CLCN2: variants seen among roughly 807,000 people sequenced by gnomAD.
CLCN2 encodes chloride voltage-gated channel 2, also known as chloride channel protein 2.
A neutral mutation model predicts 108.3 loss-of-function variants in CLCN2; 72 were observed. The ratio of observed to expected loss-of-function variants is 0.66; its 90% CI spans 0.55 to 0.81. The LOEUF (loss-of-function observed/expected upper bound fraction) is 0.81, where lower values mean the gene tolerates loss of function less well. CLCN2 is among the 30% of genes least tolerant of loss of function. CLCN2 has a pLI of 0.00. For missense variants in CLCN2, 1,048 were observed against 1,205.2 expected (o/e 0.87, Z 1.93); for synonymous variants, 471 against 467.1 (o/e 1.01, Z -0.11).
rs917382961 is a variant in CLCN2 at position 184,346,326 on chromosome 3, C to A, written c.*280G>T. On this transcript the variant is annotated 3_prime_UTR_variant, in exon 24 of 24. Coordinates refer to ENST00000265593, the MANE Select transcript of CLCN2 (RefSeq NM_004366.6). The surrounding 1 kb of genome is among the most constrained non-coding windows in gnomAD (Gnocchi z 6.0). ...AGTTATAAACCCATCTTAGTTCCAC[C>A]CCTTTCCCCTCAAAGGGGGAGCAGG... 1.9e-6 allele frequency: 1 copy of A among 533,278 alleles called. No individual in the cohort carries two copies. The highest frequency in any genetic ancestry group is 1.9e-5 in the African/African-American group (1 of 52,632). The allele number at this position is 533,278 out of a possible 1,614,324, so 33.0% of individuals were successfully genotyped here. A position where few individuals can be genotyped will look rare whatever the true frequency, so the allele number is the denominator to read the frequency against.
chr3:184,355,351 C>T lies in CLCN2; in HGVS notation c.1326+23G>A, dbSNP rs1728466414. 3 of 1,613,346 alleles carry T rather than the reference C, an allele frequency of 1.9e-6. No individual in the cohort carries two copies. The highest frequency in any genetic ancestry group is 1.1e-5 in the South Asian group (1 of 91,042). On this transcript the variant is annotated intron_variant, in intron 12 of 23. Coordinates refer to ENST00000265593, the MANE Select transcript of CLCN2 (RefSeq NM_004366.6). This position sits in a 1 kb window ranked among gnomAD's most constrained non-coding sequence, Gnocchi z 6.3. ...GAAGGGCAAGCTATGTAAAGGTTAG[C>T]AGTGTACACGTGAGGAGCCCACCTT... is the stretch of plus-strand genomic sequence containing the variant.
intron 1 of CLCN2, among the ~76,000 whole-genome samples, chr3:184,359,864 AGAGTC>A (rs1711749358): frequency 6.6e-6 from 1 of 151,764 alleles, no homozygotes; most frequent in Non-Finnish European, 1.5e-5. Context: ...ATGGGACGGG[AGAGTC>A]GCCTGAACCA....
Position 184,357,163 on chromosome 3 carries a change from AGCCC to A in CLCN2, c.983+15_983+18del, listed in dbSNP as rs1185108694. The A allele has an allele frequency of 6.2e-7, 1 of 1,610,272 alleles. No individual in the cohort carries two copies. Among genetic ancestry groups the A allele is most frequent in the Admixed American group, 1.7e-5 (1 of 59,902 alleles). On this transcript the variant is annotated intron_variant, in intron 9 of 23. Transcript: ENST00000265593. ...AACCCCCCTCCTCTCTGATACCCCCAGCCCCCTCAGCTCCTCACCCAATGACAGC... is the reference window on the plus strand; with the variant it reads ...AACCCCCCTCCTCTCTGATACCCCCACCTCAGCTCCTCACCCAATGACAGC...
rs1471495520 is a variant in CLCN2 at position 184,356,603 on chromosome 3, C to T, written c.1085+390G>A. The T allele has an allele frequency of 4.3e-5, 9 of 208,840 alleles. No individual in the cohort carries two copies. The East Asian group carries it at 1.1e-3, about 25-fold the overall frequency. 12.9% of individuals were successfully genotyped at this position (208,840 alleles called of 1,614,324 possible). Reference sequence around the variant, plus strand: ...GCGGTGAGCCGAGATCGCACCATTGCACTCCAGCCTGGACAACAAGAGTGA... The same window carrying T: ...GCGGTGAGCCGAGATCGCACCATTGTACTCCAGCCTGGACAACAAGAGTGA... On this transcript the variant is annotated intron_variant, in intron 10 of 23. Coordinates refer to ENST00000265593, the MANE Select transcript of CLCN2 (RefSeq NM_004366.6).
At chr3:184,356,696 G>A (rs982943786) in intron 10 of CLCN2, 2 of 428,754 alleles carry the variant, frequency 4.7e-6, no homozygotes, top group Non-Finnish European at 8.6e-6. Context: ...GGGGGAACCT[G>A]AGGCTCAAAC....
At position 184,346,949 on chromosome 3, in the gene CLCN2, C is replaced by A; in HGVS notation, c.2488G>T (p.Val830Phe). The part of the protein sequence containing the change: ...VTSIGRLIGI[V>F]TLKELRKAIE... Reference sequence around the variant, plus strand: ...CATCACCTCACCTCCTTTAGAGTAACGATTCCAATGAGTCTGCCAATACTG... The same window carrying A: ...CATCACCTCACCTCCTTTAGAGTAAAGATTCCAATGAGTCTGCCAATACTG... The change falls in exon 23 of 24, where the codon GTT becomes TTT. Residue 830 changes from valine to phenylalanine, a missense_variant. Transcript: ENST00000265593. The surrounding 1 kb of genome is among the most constrained non-coding windows in gnomAD (Gnocchi z 6.0). The A allele has an allele frequency of 6.2e-7, 1 of 1,614,056 alleles. No homozygotes were observed. Among genetic ancestry groups the A allele is most frequent in the Non-Finnish European group, 8.5e-7 (1 of 1,179,908 alleles).
Position 184,354,961 on chromosome 3 carries a change from C to G in CLCN2, c.1339G>C (p.Ala447Pro). 6.2e-7 allele frequency: 1 copy of G among 1,613,978 alleles called. No homozygotes were observed. The highest frequency in any genetic ancestry group is 2.2e-5 in the East Asian group (1 of 44,878). ...GGAACTGGGATGGTGGTGGCCAGTGCAGACATCCAGAACTGCAGGCAGGGG... is the reference window on the plus strand; with the variant it reads ...GGAACTGGGATGGTGGTGGCCAGTGGAGACATCCAGAACTGCAGGCAGGGG... ...IFILMKFWMS[A>P]LATTIPVPCG... The change falls in exon 13 of 24, where the codon GCA (alanine) becomes CCA (proline). Residue 447 changes from alanine to proline, a missense_variant. Transcript: ENST00000265593.
Position 184,350,656 on chromosome 3 carries a change from C to G in CLCN2, c.2415+1357G>C, listed in dbSNP as rs570258764. Among the ~76,000 whole-genome samples, 8 of 152,178 alleles carry G rather than the reference C, an allele frequency of 5.3e-5. No individual in the cohort carries two copies. In the South Asian group the frequency reaches 1.5e-3, roughly 28 times the overall value. ...TTCACCATGTTGGCCAGGCTGGTCTCGAACTGCTGACCTCAAGTGATCCAC... is the reference window on the plus strand; with the variant it reads ...TTCACCATGTTGGCCAGGCTGGTCTGGAACTGCTGACCTCAAGTGATCCAC... On this transcript the variant is annotated intron_variant, in intron 22 of 23. Coordinates refer to ENST00000265593, the MANE Select transcript of CLCN2 (RefSeq NM_004366.6).
chr3:184,358,458 G>A (rs762866833), intron 3 of CLCN2, 148 bp from the exon 4 acceptor site: 241 of 1,233,008 alleles, frequency 2.0e-4, no homozygotes, highest in Non-Finnish European at 2.5e-4. Context: ...GGTATTCACT[G>A]GGACAAAGCG....
rs149460784 is a variant in CLCN2 at position 184,346,751 on chromosome 3, C to G, written c.2552G>C (p.Arg851Pro). 1.2e-6 allele frequency: 2 copies of G among 1,613,998 alleles called. No homozygotes were observed. The highest frequency in any genetic ancestry group is 1.7e-6 in the Non-Finnish European group (2 of 1,180,024). Reference sequence around the variant, plus strand: ...GTCTCGGAAGCTGGCGAGGGGCGGCCGGACTTTCACACCCTGTGCTGTGAC... The same window carrying G: ...GTCTCGGAAGCTGGCGAGGGGCGGCGGGACTTTCACACCCTGTGCTGTGAC... ...GSVTAQGVKV[R>P]PPLASFRDSA... The change falls in exon 24 of 24, where the codon CGG (arginine) becomes CCG (proline). Residue 851 changes from arginine (R) to proline (P), a missense_variant. Physicochemically the swap from Arg to Pro is moderately radical, Grantham distance 103. Coordinates refer to ENST00000265593, the MANE Select transcript of CLCN2 (RefSeq NM_004366.6). This position sits in a 1 kb window ranked among gnomAD's most constrained non-coding sequence, Gnocchi z 6.0.
In CLCN2 at chr3:184,354,147, T is replaced by G. The variant is rs1310169872; in HGVS notation, c.1675A>C (p.Ile559Leu). 1 of 1,612,722 alleles carries G rather than the reference T, an allele frequency of 6.2e-7. No individual in the cohort carries two copies. The highest frequency in any genetic ancestry group is 1.1e-5 in the South Asian group (1 of 91,000). ...TCAGGCAGGTAGGGCAGTTTCTTGA[T>G]TCGGATGATGCTGTCATAGAGGGAG... is the stretch of plus-strand genomic sequence containing the variant. ...QPSLYDSIIR[I>L]KKLPYLPELG... Residue 559 changes from isoleucine (I) to leucine (L), a missense_variant, in exon 15 of 24, where the codon ATC becomes CTC. Transcript: ENST00000265593.
In CLCN2 at chr3:184,354,999, C is replaced by T. The variant is rs202059491; in HGVS notation, c.1327-26G>A. ...CTGCAGGCAGGGGGTGGTTCAAAGGCGAAGAGGCTCCACCTGGCCCCAGGC... is the reference window on the plus strand; with the variant it reads ...CTGCAGGCAGGGGGTGGTTCAAAGGTGAAGAGGCTCCACCTGGCCCCAGGC... On this transcript the variant is annotated intron_variant, in intron 12 of 23. Coordinates refer to ENST00000265593, the MANE Select transcript of CLCN2 (RefSeq NM_004366.6). The T allele has an allele frequency of 4.7e-3, 7,578 of 1,609,676 alleles. 32 individuals carry two copies. The highest frequency in any genetic ancestry group is 5.3e-3 in the Non-Finnish European group (6,182 of 1,176,362).
At chr3:184,357,546 C>T in intron 7 of CLCN2, 59 bp from the exon 8 acceptor site, 2 of 1,614,006 alleles carry the variant, frequency 1.2e-6, no homozygotes, top group Non-Finnish European at 1.7e-6. Flanking sequence ...GCCTCAGACC[C>T]AGATAAGAGG....
At chr3:184,354,499 G>A in intron 14 of CLCN2, 49 bp downstream of exon 14, 1 of 1,498,152 alleles carries the variant, frequency 6.7e-7, no homozygotes, top group Non-Finnish European at 9.3e-7. Flanking sequence ...CTGTGGCTGG[G>A]GCGTGGGTGG....
intron 22 of CLCN2, among the ~76,000 whole-genome samples, chr3:184,351,225 C>G (rs943189086): frequency 6.6e-6 from 1 of 152,154 alleles, no homozygotes; most frequent in Non-Finnish European, 1.5e-5. Context: ...ATCCCCTCCC[C>G]CAAACCCCCC....
Position 184,355,250 on chromosome 3 carries a change from C to CG in CLCN2, c.1326+123dup. 9.0e-7 allele frequency: 1 copy of CG among 1,105,222 alleles called. No homozygotes were observed. The highest frequency in any genetic ancestry group is 1.4e-6 in the Non-Finnish European group (1 of 725,064). 68.5% of individuals were successfully genotyped at this position (1,105,222 alleles called of 1,614,324 possible). A position where few individuals can be genotyped will look rare whatever the true frequency, so the allele number is the denominator to read the frequency against. On this transcript the variant is annotated intron_variant, in intron 12 of 23. Coordinates refer to ENST00000265593, the MANE Select transcript of CLCN2 (RefSeq NM_004366.6). The surrounding 1 kb of genome is among the most constrained non-coding windows in gnomAD (Gnocchi z 6.3). ...TGTTTCGACTCCCCCATCTTTCAAA[C>CG]GGGGGTGATAATAGTGCCTTTCCCA...
chr3:184,350,543 C>G (rs1019998719), intron 22 of CLCN2, among the ~76,000 whole-genome samples: 1 of 152,176 alleles, frequency 6.6e-6, no homozygotes, highest in Non-Finnish European at 1.5e-5. Context: ...TCAAGCAATT[C>G]TCCTGCCTCA....
At chr3:184,358,641 G>A (rs771617573) in intron 3 of CLCN2, 41 bp downstream of exon 3, 2 of 1,553,960 alleles carry the variant, frequency 1.3e-6, no homozygotes, top group African/African-American at 1.4e-5. Context: ...GGACGCAGGA[G>A]GTTTATTCCC....
rs2108564647 is a variant in CLCN2 at position 184,353,723 on chromosome 3, C to T, written c.1794G>A (p.Arg598=). The T allele has an allele frequency of 1.2e-6, 2 of 1,609,408 alleles. No individual in the cohort carries two copies. The highest frequency in any genetic ancestry group is 2.2e-5 in the South Asian group (2 of 90,074). Residue 598 remains arginine (R), a synonymous_variant, in exon 16 of 24, where the codon CGG becomes CGA. Transcript: ENST00000265593. ...TCCTGTGCAGTGCCAAACGCAGGTC[C>T]CGGAAGGTGCAGCTGAGGGCCACAT... The part of the protein sequence containing the change: ...VPHVALSCTF[R]DLRLALHRTK...
Sources: allele counts gnomAD v4.1 joint callset (sites outside exome capture counted in the v4.1 genomes callset), GRCh38; gene constraint gnomAD v4.1.1; non-coding constraint Gnocchi (gnomAD v3.1); transcripts MANE v1.5; gene names NCBI Gene and HGNC (gene_info 2026-07-23, HGNC 2026-07-21).